The following SCN11A variants were observed in gnomAD, a reference collection of about 807,000 sequenced individuals.
SCN11A encodes the protein sodium channel protein type 11 subunit alpha.
In SCN11A, 122 loss-of-function variants were observed where a neutral mutation model predicts 162.2. That is an observed-to-expected ratio of 0.75 (90% CI 0.65 to 0.87). SCN11A has a LOEUF of 0.87. Among genes scored for constraint, SCN11A ranks in the 40% least tolerant of loss-of-function variants. The pLI is 0.00. For synonymous variants in SCN11A, 758 were observed against 751.5 expected (o/e 1.01, Z -0.14); for missense variants, 2,015 against 2,181.6 (o/e 0.92, Z 1.52).
intron 2 of SCN11A, among the ~76,000 whole-genome samples, chr3:38,993,085 G>T (rs1559567153): frequency 1.3e-5 from 2 of 152,182 alleles, no homozygotes; most frequent in Admixed American, 6.5e-5. Context: ...AAGAATATGT[G>T]GTTCTCTCGA....
At chr3:38,879,537 G>C (rs1309561900) in intron 23 of SCN11A, among the ~76,000 whole-genome samples, 1 of 152,120 alleles carries the variant, frequency 6.6e-6, no homozygotes, top group Non-Finnish European at 1.5e-5. Flanking sequence ...CTCTTATGCT[G>C]CTTGACAATT....
chr3:38,907,310 ATG>A (rs141158768), intron 14 of SCN11A, among the ~76,000 whole-genome samples: 3,239 of 118,614 alleles, frequency 0.027, 78 homozygotes, highest in African/African-American at 0.04. Context: ...ACCAACATAT[ATG>A]TGTGTGTGTG....
At chr3:38,874,609 T>C (rs2065179402) in intron 23 of SCN11A, among the ~76,000 whole-genome samples, 1 of 152,142 alleles carries the variant, frequency 6.6e-6, no homozygotes, top group South Asian at 2.1e-4. Flanking sequence ...TCCAATCTAA[T>C]GAGTAAAAAG....
intron 2 of SCN11A, among the ~76,000 whole-genome samples, chr3:38,960,949 C>G (rs921213530): frequency 1.3e-5 from 2 of 152,148 alleles, no homozygotes; most frequent in Non-Finnish European, 2.9e-5. Context: ...GTCACCAACC[C>G]AAAACTCCCC....
intron 1 of SCN11A, among the ~76,000 whole-genome samples, chr3:39,040,018 G>A (rs958040732): frequency 5.9e-5 from 9 of 152,118 alleles, no homozygotes; most frequent in Admixed American, 3.9e-4. Flanking sequence ...GAGACATCAC[G>A]TGCTGTGTTC....
At chr3:39,007,519 G>C (rs996554888) in intron 2 of SCN11A, among the ~76,000 whole-genome samples, 1 of 152,184 alleles carries the variant, frequency 6.6e-6, no homozygotes, top group African/African-American at 2.4e-5. Context: ...CATTTTAGGA[G>C]GGGAAAGGGG....
At chr3:38,947,235 A>G (rs1213069975) in intron 5 of SCN11A, among the ~76,000 whole-genome samples, 1 of 152,232 alleles carries the variant, frequency 6.6e-6, no homozygotes, top group Non-Finnish European at 1.5e-5. Context: ...GATTCAGCAG[A>G]TTATTTTAAA....
At chr3:38,893,657 A>G (rs746849460) in intron 19 of SCN11A, among the ~76,000 whole-genome samples, 5 of 152,226 alleles carry the variant, frequency 3.3e-5, no homozygotes, top group Non-Finnish European at 5.9e-5. Context: ...CTGAAATTGT[A>G]CAAAGTATGT....
chr3:38,977,689 C>T (rs2066857436), intron 2 of SCN11A, among the ~76,000 whole-genome samples: 2 of 152,184 alleles, frequency 1.3e-5, no homozygotes, highest in African/African-American at 2.4e-5. Context: ...CAAATTGGAA[C>T]ATCTCCATCA....
chr3:38,967,534 C>T (rs1016010942), intron 2 of SCN11A, among the ~76,000 whole-genome samples: 1 of 152,170 alleles, frequency 6.6e-6, no homozygotes, highest in Admixed American at 6.5e-5. Context: ...ATCTCCAAAT[C>T]CCTGGGCTAT....
In SCN11A at chr3:38,846,579, G is replaced by T; in HGVS notation, c.*115C>A. 2.7e-6 allele frequency: 2 copies of T among 742,040 alleles called. No homozygotes were observed. The highest frequency in any genetic ancestry group is 5.0e-5 in the East Asian group (2 of 40,172). 46.0% of individuals were successfully genotyped at this position (742,040 alleles called of 1,614,324 possible). ...ATTTATTTTAGCCAGAAAAGAAAATGGAATGGCTAATTTGGTGAATCCACT... is the reference window on the plus strand; with the variant it reads ...ATTTATTTTAGCCAGAAAAGAAAATTGAATGGCTAATTTGGTGAATCCACT... On this transcript the variant is annotated 3_prime_UTR_variant, in exon 30 of 30. Coordinates refer to ENST00000302328, the MANE Select transcript of SCN11A (RefSeq NM_001349253.2).
At chr3:38,963,537 T>A (rs923117640) in intron 2 of SCN11A, among the ~76,000 whole-genome samples, 1 of 150,178 alleles carries the variant, frequency 6.7e-6, no homozygotes, top group African/African-American at 2.4e-5. Context: ...AATGGAACAC[T>A]ATGCAGACAT....
chr3:38,909,274 C>G, intron 12 of SCN11A, 80 bp from the exon 13 acceptor site: 1 of 1,306,708 alleles, frequency 7.7e-7, no homozygotes, highest in Non-Finnish European at 1.1e-6. Flanking sequence ...AAAAACCACA[C>G]AGTAGCAGAC....
chr3:38,847,748 GAGA>G lies in SCN11A; in HGVS notation c.4328-9_4328-7del. On this transcript the variant is annotated splice_polypyrimidine_tract_variant and splice_region_variant and intron_variant, in intron 29 of 29. Coordinates refer to ENST00000302328, the MANE Select transcript of SCN11A (RefSeq NM_001349253.2). Reference sequence around the variant, plus strand: ...CAAGGTAGAAATCATTGTACCTCAGGAGAAGGAGAAAAGTAAATAAGTTTCCAG... The same window carrying G: ...CAAGGTAGAAATCATTGTACCTCAGGAGGAGAAAAGTAAATAAGTTTCCAG... 6.4e-7 allele frequency: 1 copy of G among 1,551,984 alleles called. No individual in the cohort carries two copies.
intron 1 of SCN11A, among the ~76,000 whole-genome samples, chr3:39,038,911 T>C (rs1213275459): frequency 6.6e-6 from 1 of 152,210 alleles, no homozygotes; most frequent in Non-Finnish European, 1.5e-5. Flanking sequence ...CTTCCCTCCA[T>C]TTATGACTTC....
chr3:38,918,548 T>C (rs1162984202), intron 11 of SCN11A, among the ~76,000 whole-genome samples: 1 of 152,198 alleles, frequency 6.6e-6, no homozygotes, highest in Non-Finnish European at 1.5e-5. Flanking sequence ...CCCCACTTCC[T>C]GCCCACGAAA....
At chr3:38,884,791 G>C (rs1167473688) in intron 21 of SCN11A, among the ~76,000 whole-genome samples, 1 of 152,208 alleles carries the variant, frequency 6.6e-6, no homozygotes, top group Non-Finnish European at 1.5e-5. Context: ...ACAACTCTTT[G>C]CTTTGGATAC....
chr3:38,883,233 C>A lies in SCN11A; in HGVS notation c.3219G>T (p.Leu1073=), dbSNP rs1357999368. The change falls in exon 22 of 30, where the codon CTG becomes CTT. Residue 1073 remains leucine (L), a splice_region_variant and synonymous_variant. Transcript: ENST00000302328. The part of the protein sequence containing the change: ...IFVILLSSGA[L]IFEDVHLENQ... ...TCTCCACAAGACAATGATGATTTAC[C>A]AGTGCCCCACTGCTCAGCAGAATCA... 6.2e-7 allele frequency: 1 copy of A among 1,611,258 alleles called. No individual in the cohort carries two copies.
chr3:38,871,456 G>A lies in SCN11A; in HGVS notation c.3748C>T (p.Leu1250=), dbSNP rs758235543. 7 of 1,606,540 alleles carry A rather than the reference G, an allele frequency of 4.4e-6. No individual in the cohort carries two copies. The highest frequency in any genetic ancestry group is 5.9e-6 in the Non-Finnish European group (7 of 1,176,836). The change falls in exon 25 of 30, where the codon CTG becomes TTG. Residue 1250 remains leucine, a synonymous_variant. Coordinates refer to ENST00000302328, the MANE Select transcript of SCN11A (RefSeq NM_001349253.2). ...CTGACTGTACTTACCACTTGCAGCAGAGCGAGGTAAGCATTTCCCACATTG... is the reference window on the plus strand; with the variant it reads ...CTGACTGTACTTACCACTTGCAGCAAAGCGAGGTAAGCATTTCCCACATTG... ...FDNVGNAYLA[L]LQVATFKGWM...
Sources: allele counts gnomAD v4.1 joint callset (sites outside exome capture counted in the v4.1 genomes callset), GRCh38; gene constraint gnomAD v4.1.1; transcripts MANE v1.5; gene names NCBI Gene and HGNC (gene_info 2026-07-23, HGNC 2026-07-21).